Variants in ZBTB20 observed in about 807,000 individuals in gnomAD.
ZBTB20 encodes zinc finger and BTB domain containing 20.
In ZBTB20, 9 loss-of-function variants were observed where a neutral mutation model predicts 56.9. The observed-to-expected ratio is 0.16, with a 90% CI of 0.10 to 0.28. The LOEUF is 0.28. ZBTB20 is among the 10% of genes least tolerant of loss of function. The pLI is 1.00. For missense variants in ZBTB20, 655 were observed against 1,003.0 expected (o/e 0.65, Z 4.69); for synonymous variants, 417 against 420.7 (o/e 0.99, Z 0.11).
At chr3:114,380,479 G>A in intron 9 of ZBTB20, 75 bp from the exon 10 acceptor site, 1 of 1,433,318 alleles carries the variant, frequency 7.0e-7, no homozygotes, top group South Asian at 1.5e-5. Flanking sequence ...ATCTGTTAAA[G>A]ATAACTTGAT....
At chr3:114,366,220 C>T (rs942155608) in intron 10 of ZBTB20, among the ~76,000 whole-genome samples, 2 of 152,192 alleles carry the variant, frequency 1.3e-5, no homozygotes, top group Non-Finnish European at 2.9e-5. Flanking sequence ...AGGAATAATT[C>T]ATCTTACCTA....
At chr3:114,978,010 C>CAAAA (rs764420792) in intron 2 of ZBTB20, among the ~76,000 whole-genome samples, 2 of 56,550 alleles carry the variant, frequency 3.5e-5, no homozygotes, top group African/African-American at 9.8e-5. Context: ...GACCCAGTCT[C>CAAAA]AAAAAAAAAA....
chr3:115,081,281 C>A (rs1576732611), intron 1 of ZBTB20, among the ~76,000 whole-genome samples: 1 of 152,110 alleles, frequency 6.6e-6, no homozygotes, highest in East Asian at 1.9e-4. Flanking sequence ...GTTTCTCTTC[C>A]TTCATCATCA....
intron 7 of ZBTB20, among the ~76,000 whole-genome samples, chr3:114,462,894 C>T (rs534782721): frequency 5.9e-5 from 9 of 152,292 alleles, no homozygotes; most frequent in African/African-American, 1.9e-4. Flanking sequence ...ATAATAGTGA[C>T]GTATGCCTCT....
intron 6 of ZBTB20, among the ~76,000 whole-genome samples, chr3:114,570,968 A>G (rs1249337907): frequency 6.6e-6 from 1 of 151,710 alleles, no homozygotes. Flanking sequence ...ACTGCATATT[A>G]CTCTGTGCTG....
At chr3:114,813,492 T>G (rs947093064) in intron 4 of ZBTB20, among the ~76,000 whole-genome samples, 12 of 152,226 alleles carry the variant, frequency 7.9e-5, no homozygotes, top group African/African-American at 2.9e-4. Flanking sequence ...GGCTCACATC[T>G]GTAATCCTAG....
chr3:114,635,192 G>GA (rs1220351509), intron 6 of ZBTB20, among the ~76,000 whole-genome samples: 4 of 152,188 alleles, frequency 2.6e-5, no homozygotes, highest in South Asian at 2.1e-4. Context: ...TGTATAATAA[G>GA]AAAAAAACAT....
At chr3:114,434,538 T>TC (rs2090362771) in intron 7 of ZBTB20, among the ~76,000 whole-genome samples, 1 of 57,414 alleles carries the variant, frequency 1.7e-5, no homozygotes, top group South Asian at 7.9e-4. Flanking sequence ...CTTCTGCAAT[T>TC]GGGGTGTGTG....
chr3:114,501,122 C>T (rs929375191), intron 6 of ZBTB20, among the ~76,000 whole-genome samples: 7 of 152,140 alleles, frequency 4.6e-5, no homozygotes, highest in African/African-American at 1.4e-4. Flanking sequence ...TCTAAAACTG[C>T]CTCTACCCCT....
At chr3:114,650,680 T>C (rs1052980875) in intron 6 of ZBTB20, among the ~76,000 whole-genome samples, 14 of 151,980 alleles carry the variant, frequency 9.2e-5, no homozygotes, top group African/African-American at 3.4e-4. Context: ...TCATTTAAAA[T>C]TATTTCAACC....
intron 6 of ZBTB20, among the ~76,000 whole-genome samples, chr3:114,634,963 C>T (rs950665485): frequency 6.6e-6 from 1 of 152,116 alleles, no homozygotes; most frequent in Admixed American, 6.5e-5. Flanking sequence ...GTTAGAGCTG[C>T]CTTGCAAGAT....
intron 6 of ZBTB20, among the ~76,000 whole-genome samples, chr3:114,503,556 T>G (rs776309291): frequency 5.3e-5 from 8 of 152,260 alleles, no homozygotes; most frequent in Non-Finnish European, 8.8e-5. Flanking sequence ...GTCTATAAGT[T>G]GTTTTTATCT....
intron 2 of ZBTB20, among the ~76,000 whole-genome samples, chr3:115,061,781 T>C (rs1488893202): frequency 1.3e-5 from 2 of 152,200 alleles, no homozygotes; most frequent in African/African-American, 4.8e-5. Context: ...CTATTTAATA[T>C]GGGTATCCTT....
intron 6 of ZBTB20, among the ~76,000 whole-genome samples, chr3:114,660,265 T>C (rs1037134517): frequency 6.6e-6 from 1 of 152,174 alleles, no homozygotes; most frequent in African/African-American, 2.4e-5. Context: ...TTTCCCTCGG[T>C]TGGAGAAGGA....
chr3:114,644,418 T>A (rs1480443481), intron 6 of ZBTB20, among the ~76,000 whole-genome samples: 2 of 152,114 alleles, frequency 1.3e-5, no homozygotes, highest in African/African-American at 4.8e-5. Flanking sequence ...ACAGGTTATG[T>A]TATGGTTCAT....
At chr3:114,892,249 T>C (rs1381661373) in intron 4 of ZBTB20, among the ~76,000 whole-genome samples, 1 of 152,194 alleles carries the variant, frequency 6.6e-6, no homozygotes, top group East Asian at 1.9e-4. Context: ...AGTGTATTCA[T>C]CATATTCCAT....
chr3:114,846,061 T>G (rs1311909081), intron 4 of ZBTB20, among the ~76,000 whole-genome samples: 1 of 152,178 alleles, frequency 6.6e-6, no homozygotes, highest in Non-Finnish European at 1.5e-5. Flanking sequence ...GATAGGTGGT[T>G]AGATAAACAC....
At chr3:114,943,289 A>G (rs2076779270) in intron 3 of ZBTB20, among the ~76,000 whole-genome samples, 1 of 145,728 alleles carries the variant, frequency 6.9e-6, no homozygotes, top group Non-Finnish European at 1.5e-5. Context: ...TGAGGAGAAA[A>G]TTAAATCCCC....
intron 7 of ZBTB20, among the ~76,000 whole-genome samples, chr3:114,498,388 T>C (rs1304922167): frequency 6.6e-6 from 1 of 152,156 alleles, no homozygotes. Context: ...GAGGAGGCCA[T>C]TGAAGAGGCA....
Sources: allele counts gnomAD v4.1 joint callset (sites outside exome capture counted in the v4.1 genomes callset), GRCh38; gene constraint gnomAD v4.1.1; transcripts MANE v1.5; gene names NCBI Gene and HGNC (gene_info 2026-07-23, HGNC 2026-07-21).